KPNA4: variants seen among roughly 807,000 people sequenced by gnomAD.
KPNA4 encodes importin subunit alpha-3.
KPNA4 carries 13 observed loss-of-function variants against 71.3 expected under a neutral mutation model. The observed-to-expected ratio is 0.18, with a 90% CI of 0.12 to 0.29. KPNA4 has a LOEUF of 0.29. Ranked by LOEUF, KPNA4 falls within the 10% of genes least tolerant of loss-of-function variation. The pLI is 1.00. For missense variants in KPNA4, 334 were observed against 603.2 expected, an observed-to-expected ratio of 0.55 and a Z score of 4.67; for synonymous variants, 189 against 195.2, an observed-to-expected ratio of 0.97 and a Z score of 0.26.
chr3:160,525,763 T>C (rs1721445623), intron 10 of KPNA4, 37 bp downstream of exon 10: 1 of 1,368,924 alleles, frequency 7.3e-7, no homozygotes, highest in Non-Finnish European at 9.9e-7. Flanking sequence ...AATACATACA[T>C]ACATACATAA....
Position 160,516,681 on chromosome 3 carries a change from AG to A in KPNA4, c.904-1102del, listed in dbSNP as rs1210944491. Among the ~76,000 whole-genome samples, 3 of 151,860 alleles carry A rather than the reference AG, an allele frequency of 2.0e-5. No homozygotes were observed. The East Asian group carries it at 5.8e-4, about 29-fold the overall frequency. On this transcript the variant is annotated intron_variant, in intron 11 of 16. Coordinates refer to ENST00000334256, the MANE Select transcript of KPNA4 (RefSeq NM_002268.5). ...CAGCTACTTGGGAGACTGAGGTGGG[AG>A]GATTGCTTGAGCCTGGGAGGTCCAG...
intron 15 of KPNA4, among the ~76,000 whole-genome samples, chr3:160,506,103 C>T (rs1468774684): frequency 1.3e-5 from 2 of 152,120 alleles, no homozygotes; most frequent in African/African-American, 2.4e-5. Context: ...TTTAAATCTC[C>T]TCATCTCCCC....
At chr3:160,523,305 T>C (rs1039960106) in intron 10 of KPNA4, among the ~76,000 whole-genome samples, 2 of 151,528 alleles carry the variant, frequency 1.3e-5, no homozygotes, top group Non-Finnish European at 2.9e-5. Flanking sequence ...ACCCCGTCTC[T>C]ATGAAAAACA....
At chr3:160,537,585 ATTCT>A (rs1461936142) in intron 1 of KPNA4, among the ~76,000 whole-genome samples, 2 of 150,274 alleles carry the variant, frequency 1.3e-5, no homozygotes, top group East Asian at 3.9e-4. Context: ...GGTTCACCTT[ATTCT>A]TTCTAATGAC....
chr3:160,534,423 GA>G (rs1447913717), intron 5 of KPNA4, among the ~76,000 whole-genome samples: 1 of 151,978 alleles, frequency 6.6e-6, no homozygotes, highest in Non-Finnish European at 1.5e-5. Flanking sequence ...TTTTACAATA[GA>G]AATGTGCAAA....
intron 11 of KPNA4, among the ~76,000 whole-genome samples, chr3:160,517,914 T>C (rs1242553758): frequency 6.6e-6 from 1 of 152,206 alleles, no homozygotes; most frequent in Non-Finnish European, 1.5e-5. Context: ...ATTCTATGGG[T>C]TGTCTTTTCA....
At position 160,501,666 on chromosome 3, in the gene KPNA4, T is replaced by G. The variant is rs1002472181; in HGVS notation, c.*438A>C. On this transcript the variant is annotated 3_prime_UTR_variant, in exon 17 of 17. Transcript: ENST00000334256. ...TCACACACTGCTTCATAGCAAGGCCTGGGCTCATTTTCCTTTGACTTATAT... is the reference window on the plus strand; with the variant it reads ...TCACACACTGCTTCATAGCAAGGCCGGGGCTCATTTTCCTTTGACTTATAT... 10 of 152,660 alleles carry G rather than the reference T, an allele frequency of 6.6e-5. No individual in the cohort carries two copies. Among genetic ancestry groups the G allele is most frequent in the African/African-American group, 2.4e-4 (10 of 41,450 alleles). The allele number at this position is 152,660 out of a possible 1,614,324, so 9.5% of individuals were successfully genotyped here.
chr3:160,514,143 A>G lies in KPNA4; in HGVS notation c.1071T>C (p.Asn357=). ...CAATTACTGCCTGTACCTGCTGCTGATTTCCTGCAGTGATGTTGGAGAGGA... is the reference window on the plus strand; with the variant it reads ...CAATTACTGCCTGTACCTGCTGCTGGTTTCCTGCAGTGATGTTGGAGAGGA... ...VWFLSNITAG[N]QQQVQAVIDA... is the part of the protein sequence containing the mutation. Residue 357 remains asparagine, a synonymous_variant, in exon 13 of 17, where the codon AAT becomes AAC. Transcript: ENST00000334256. 6.2e-7 allele frequency: 1 copy of G among 1,601,814 alleles called. No individual in the cohort carries two copies. Among genetic ancestry groups the G allele is most frequent in the South Asian group, 1.1e-5 (1 of 88,546 alleles).
chr3:160,518,401 C>T (rs1370506569), intron 11 of KPNA4, among the ~76,000 whole-genome samples: 3 of 150,910 alleles, frequency 2.0e-5, no homozygotes, highest in African/African-American at 7.3e-5. Context: ...TCCCAAAGTG[C>T]TGGGATTACA....
At chr3:160,519,259 G>C (rs185871729) in intron 11 of KPNA4, among the ~76,000 whole-genome samples, 1 of 152,236 alleles carries the variant, frequency 6.6e-6, no homozygotes, top group African/African-American at 2.4e-5. Context: ...AAAATGTTTT[G>C]TAGTAGCCTA....
chr3:160,535,701 A>G lies in KPNA4; in HGVS notation c.205-11T>C, dbSNP rs766188509. 1 of 1,573,668 alleles carries G rather than the reference A, an allele frequency of 6.4e-7. No homozygotes were observed. The highest frequency in any genetic ancestry group is 2.3e-5 in the East Asian group (1 of 44,012). On this transcript the variant is annotated splice_polypyrimidine_tract_variant and intron_variant, in intron 3 of 16. Coordinates refer to ENST00000334256, the MANE Select transcript of KPNA4 (RefSeq NM_002268.5). ...TAGAGAGGTATTTTGCTGGGAAAAA[A>G]GTTAAAGAGAAAACTCAGTTAAAAA...
intron 1 of KPNA4, among the ~76,000 whole-genome samples, chr3:160,544,046 C>T (rs567701380): frequency 1.5e-4 from 23 of 152,188 alleles, no homozygotes; most frequent in Admixed American, 8.5e-4. Context: ...TTAGTAGAAA[C>T]GGGGTTTTAT....
At chr3:160,526,339 C>G (rs1721461109) in intron 8 of KPNA4, among the ~76,000 whole-genome samples, 1 of 152,192 alleles carries the variant, frequency 6.6e-6, no homozygotes, top group African/African-American at 2.4e-5. Flanking sequence ...TTGCTGCTCA[C>G]TTAATTAAAC....
Position 160,526,110 on chromosome 3 carries a change from G to A in KPNA4, c.557-3C>T. On this transcript the variant is annotated splice_polypyrimidine_tract_variant and splice_region_variant and intron_variant, in intron 8 of 16. Transcript: ENST00000334256. ...ATCTCTACACTGGGGCCCATCACCTGTAGAAAAAAAGGATTAATTTACTCA... is the reference window on the plus strand; with the variant it reads ...ATCTCTACACTGGGGCCCATCACCTATAGAAAAAAAGGATTAATTTACTCA... The A allele has an allele frequency of 1.3e-6, 2 of 1,502,856 alleles. No individual in the cohort carries two copies. The highest frequency in any genetic ancestry group is 2.4e-5 in the East Asian group (1 of 41,290). The allele number at this position is 1,502,856 out of a possible 1,614,324, so 93.1% of individuals were successfully genotyped here.
intron 2 of KPNA4, 128 bp from the exon 3 acceptor site, chr3:160,536,025 A>G (rs1721686491): frequency 2.7e-6 from 2 of 728,476 alleles, no homozygotes; most frequent in Non-Finnish European, 3.8e-6. Flanking sequence ...GCCTTTTAAA[A>G]GTAAAATTCA....
At chr3:160,553,119 T>A (rs761108059) in intron 1 of KPNA4, among the ~76,000 whole-genome samples, 2 of 152,102 alleles carry the variant, frequency 1.3e-5, no homozygotes, top group Non-Finnish European at 2.9e-5. Context: ...GAGTAGAAAG[T>A]TAACAGGAAA....
At chr3:160,515,040 C>G (rs568799951) in intron 12 of KPNA4, 1 of 519,212 alleles carries the variant, frequency 1.9e-6, no homozygotes. Flanking sequence ...TCTACAACAG[C>G]CTCAGATGCA....
intron 1 of KPNA4, among the ~76,000 whole-genome samples, chr3:160,548,384 G>A (rs1721970216): frequency 6.6e-6 from 1 of 152,118 alleles, no homozygotes; most frequent in South Asian, 2.1e-4. Flanking sequence ...TGTTCATATT[G>A]TTGTGCATCA....
At chr3:160,523,776 A>G (rs575110653) in intron 10 of KPNA4, among the ~76,000 whole-genome samples, 2 of 152,200 alleles carry the variant, frequency 1.3e-5, no homozygotes, top group South Asian at 4.2e-4. Flanking sequence ...GCTGGAACCC[A>G]GGAGGCAGAG....
Sources: allele counts gnomAD v4.1 joint callset (sites outside exome capture counted in the v4.1 genomes callset), GRCh38; gene constraint gnomAD v4.1.1; transcripts MANE v1.5; gene names NCBI Gene and HGNC (gene_info 2026-07-23, HGNC 2026-07-21).